The following ROBO2 variants were observed in gnomAD, a reference collection of about 807,000 sequenced individuals.
ROBO2 encodes roundabout guidance receptor 2.
In ROBO2, 53 loss-of-function variants were observed where a neutral mutation model predicts 160.8. The ratio of observed to expected loss-of-function variants is 0.33; its 90% CI spans 0.26 to 0.41. The LOEUF (loss-of-function observed/expected upper bound fraction) is 0.41, where lower values mean the gene tolerates loss of function less well. ROBO2 is among the 10% of genes least tolerant of loss of function. The pLI is 1.00. For synonymous variants in ROBO2, 664 were observed against 611.7 expected, an observed-to-expected ratio of 1.09 and a Z score of -1.26; for missense variants, 1,577 against 1,722.4, an observed-to-expected ratio of 0.92 and a Z score of 1.49.
intron 1 of ROBO2, among the ~76,000 whole-genome samples, chr3:75,933,742 G>A (rs755620388): frequency 1.1e-4 from 17 of 152,160 alleles, no homozygotes; most frequent in African/African-American, 1.7e-4. Context: ...TCCACATGAC[G>A]AGTGGAACCA....
chr3:77,499,029 G>A (rs2087175642), intron 5 of ROBO2, among the ~76,000 whole-genome samples: 1 of 152,176 alleles, frequency 6.6e-6, no homozygotes, highest in Non-Finnish European at 1.5e-5. Context: ...TATTTTTTAT[G>A]CTATACAGAT....
At chr3:75,961,688 ATTT>A (rs1948917524) in intron 2 of ROBO2, among the ~76,000 whole-genome samples, 1 of 151,642 alleles carries the variant, frequency 6.6e-6, no homozygotes, top group African/African-American at 2.4e-5. Flanking sequence ...CTCTAAATAG[ATTT>A]TTTTATGCTA....
chr3:76,766,937 G>T (rs1054032730), intron 2 of ROBO2, among the ~76,000 whole-genome samples: 2 of 151,584 alleles, frequency 1.3e-5, no homozygotes, highest in East Asian at 3.9e-4. Context: ...CGTGGGTTGA[G>T]AAATGGAAGG....
intron 2 of ROBO2, among the ~76,000 whole-genome samples, chr3:76,385,590 C>CA (rs2076844083): frequency 6.6e-6 from 1 of 152,170 alleles, no homozygotes; most frequent in Non-Finnish European, 1.5e-5. Context: ...TGGTTACATG[C>CA]AAAAATAGAA....
rs117179938 is a variant in ROBO2 at position 76,001,911 on chromosome 3, C to T, written c.109+64309C>T. Among the ~76,000 whole-genome samples, 42 of 152,190 alleles carry T rather than the reference C, an allele frequency of 2.8e-4. 1 individual carries two copies. Among genetic ancestry groups the T allele is most frequent in the Middle Eastern group, 3.4e-3 (1 of 294 alleles). ...AGAAAGGTTTAAAATAATAGATTGA[C>T]GGATATTTTCTCTTAGCACTTTGAA... On this transcript the variant is annotated intron_variant, in intron 2 of 26. Coordinates refer to the ROBO2 transcript ENST00000487694.
intron 2 of ROBO2, among the ~76,000 whole-genome samples, chr3:76,925,373 T>TATTA (rs761560793): frequency 2.0e-5 from 3 of 152,156 alleles, no homozygotes; most frequent in Non-Finnish European, 2.9e-5. Context: ...CTGTTGTAGA[T>TATTA]ATTAAGTCTT....
chr3:77,450,381 A>G (rs1458456424), intron 2 of ROBO2, among the ~76,000 whole-genome samples: 5 of 152,132 alleles, frequency 3.3e-5, no homozygotes, highest in Admixed American at 6.6e-5. Flanking sequence ...AAGCTTAATG[A>G]CCTTTGGAAT....
intron 2 of ROBO2, among the ~76,000 whole-genome samples, chr3:77,108,275 T>TATATATATATGTATACACATATGC (rs1560026172): frequency 1.6e-4 from 10 of 61,336 alleles, no homozygotes; most frequent in South Asian, 4.9e-4. Flanking sequence ...CACATATGCA[T>TATATATATATGTATACACATATGC]ATATATATAT....
intron 2 of ROBO2, among the ~76,000 whole-genome samples, chr3:76,678,223 G>A (rs974001327): frequency 1.3e-5 from 2 of 151,866 alleles, no homozygotes; most frequent in Non-Finnish European, 2.9e-5. Context: ...TGACCGCCTC[G>A]ACTTCCCAAA....
At chr3:77,060,582 CT>C (rs1487340560) in intron 1 of ROBO2, among the ~76,000 whole-genome samples, 2 of 152,108 alleles carry the variant, frequency 1.3e-5, no homozygotes, top group African/African-American at 4.8e-5. Context: ...TCACTTTGAG[CT>C]AAAGGGACTT....
intron 2 of ROBO2, among the ~76,000 whole-genome samples, chr3:76,469,244 A>G (rs1041294252): frequency 4.6e-5 from 7 of 152,108 alleles, no homozygotes; most frequent in African/African-American, 1.7e-4. Context: ...GACAATGATG[A>G]GGATGATGAT....
chr3:77,234,077 G>T (rs2087602167), intron 2 of ROBO2, among the ~76,000 whole-genome samples: 1 of 152,134 alleles, frequency 6.6e-6, no homozygotes, highest in South Asian at 2.1e-4. Flanking sequence ...TGGACCATTA[G>T]TTTTCCTGGA....
chr3:77,609,308 T>C (rs1044258143), intron 21 of ROBO2, among the ~76,000 whole-genome samples: 1 of 152,102 alleles, frequency 6.6e-6, no homozygotes, highest in Non-Finnish European at 1.5e-5. Flanking sequence ...TCTTAATTTA[T>C]ATTAATGTTA....
intron 2 of ROBO2, among the ~76,000 whole-genome samples, chr3:77,286,256 CTTTT>C (rs10663209): frequency 2.5e-5 from 3 of 119,874 alleles, no homozygotes; most frequent in Admixed American, 8.7e-5. Flanking sequence ...AATTATGGAG[CTTTT>C]TTTTTTTTTT....
At position 76,689,127 on chromosome 3, in the gene ROBO2, A is replaced by G. The variant is rs142229792; in HGVS notation, c.110-408887A>G. On this transcript the variant is annotated intron_variant, in intron 2 of 26. Coordinates refer to the ROBO2 transcript ENST00000487694. Reference sequence around the variant, plus strand: ...GCAATTGCTGTCTCTTTCATTAATAATTATACAGCTTTGAATTGCTAGCCT... The same window carrying G: ...GCAATTGCTGTCTCTTTCATTAATAGTTATACAGCTTTGAATTGCTAGCCT... Among the ~76,000 whole-genome samples, 366 of 152,246 alleles carry G rather than the reference A, an allele frequency of 2.4e-3. 2 individuals are homozygous for G. Among genetic ancestry groups the G allele is most frequent in the Middle Eastern group, 0.01 (3 of 294 alleles).
chr3:76,348,718 G>T (rs2108263642), intron 2 of ROBO2, among the ~76,000 whole-genome samples: 1 of 152,170 alleles, frequency 6.6e-6, no homozygotes, highest in South Asian at 2.1e-4. Context: ...CCTCCTTTCA[G>T]CACTGGAGGA....
chr3:75,947,219 CTTAAA>C (rs10569506), intron 2 of ROBO2, among the ~76,000 whole-genome samples: 63,537 of 151,342 alleles, frequency 0.42, 14,491 homozygotes, highest in South Asian at 0.65. Flanking sequence ...ATTTTTTAAT[CTTAAA>C]TTAAGACGAT....
upstream of ROBO2, among the ~76,000 whole-genome samples, chr3:77,035,284 A>G (rs541252851): frequency 1.3e-5 from 2 of 151,922 alleles, no homozygotes; most frequent in Non-Finnish European, 2.9e-5. Context: ...CCTCTAAGGA[A>G]CCTCTAAGTG....
intron 2 of ROBO2, among the ~76,000 whole-genome samples, chr3:77,362,466 C>A (rs1041284414): frequency 1.3e-5 from 2 of 152,080 alleles, no homozygotes; most frequent in African/African-American, 4.8e-5. Flanking sequence ...GGATGAAGAA[C>A]CTGCTCATAT....
Sources: gnomAD v4.1 joint callset for allele counts (sites outside exome capture counted in the v4.1 genomes callset) on GRCh38, gnomAD v4.1.1 for gene constraint, MANE v1.5 for transcripts, NCBI Gene and HGNC (gene_info 2026-07-23, HGNC 2026-07-21) for gene names.